The following WDR59 variants were observed in gnomAD, a reference collection of about 807,000 sequenced individuals.
WDR59 encodes WD repeat domain 59.
Under a neutral mutation model 131.2 loss-of-function variants are expected in WDR59, and 100 were observed. The observed-to-expected ratio is 0.76, with a 90% CI of 0.65 to 0.90. The LOEUF is 0.90. Ranked by LOEUF, WDR59 falls within the 40% of genes least tolerant of loss-of-function variation. WDR59 has a pLI of 0.00. For missense variants in WDR59, 1,203 were observed against 1,262.2 expected, an observed-to-expected ratio of 0.95 and a Z score of 0.71; for synonymous variants, 601 against 466.2, an observed-to-expected ratio of 1.29 and a Z score of -3.72.
At chr16:74,875,799 C>A (rs1277104266) in intron 25 of WDR59, among the ~76,000 whole-genome samples, 1 of 152,176 alleles carries the variant, frequency 6.6e-6, no homozygotes, top group African/African-American at 2.4e-5. Flanking sequence ...ATCACCTGCC[C>A]ACTCCATGCC....
chr16:74,926,320 A>G (rs1173188370), intron 8 of WDR59, among the ~76,000 whole-genome samples: 1 of 152,132 alleles, frequency 6.6e-6, no homozygotes, highest in Non-Finnish European at 1.5e-5. Flanking sequence ...GGCCTCCCAG[A>G]GTGCTGGGAT....
chr16:74,974,436 C>T (rs940336885), intron 1 of WDR59, among the ~76,000 whole-genome samples: 1 of 152,100 alleles, frequency 6.6e-6, no homozygotes, highest in Non-Finnish European at 1.5e-5. Flanking sequence ...CCGACCACTA[C>T]GCTAGGTGTT....
At chr16:74,877,375 G>C (rs1964265682) in intron 25 of WDR59, among the ~76,000 whole-genome samples, 1 of 152,144 alleles carries the variant, frequency 6.6e-6, no homozygotes, top group African/African-American at 2.4e-5. Flanking sequence ...ATGTGATTCT[G>C]TGCCTGGATA....
At chr16:74,969,110 T>C (rs2033882578) in intron 1 of WDR59, among the ~76,000 whole-genome samples, 1 of 152,044 alleles carries the variant, frequency 6.6e-6, no homozygotes, top group African/African-American at 2.4e-5. Flanking sequence ...ACACTGCAAG[T>C]GAGGAGGGGA....
In WDR59 at chr16:74,978,778, T is replaced by A. The variant is rs913978624; in HGVS notation, c.54+6186A>T. ...TTTTTTTTTAATCACTCTGGCTATA[T>A]GGAAGATAAAATGGAAGAAGGAAAT... On this transcript the variant is annotated intron_variant, in intron 1 of 25. Coordinates refer to ENST00000262144, the MANE Select transcript of WDR59 (RefSeq NM_030581.4). 2.0e-5 allele frequency among the ~76,000 whole-genome samples: 3 copies of A among 151,798 alleles called. No individual in the cohort carries two copies. In the South Asian group the frequency reaches 6.2e-4, roughly 31 times the overall value.
At chr16:74,900,926 G>A (rs536078545) in intron 18 of WDR59, among the ~76,000 whole-genome samples, 157 of 152,288 alleles carry the variant, frequency 1.0e-3, no homozygotes, top group African/African-American at 3.5e-3. Flanking sequence ...CGAGACCAGC[G>A]TGGCCAACAT....
intron 8 of WDR59, among the ~76,000 whole-genome samples, chr16:74,932,579 C>T (rs1045434619): frequency 2.6e-5 from 4 of 152,162 alleles, no homozygotes; most frequent in African/African-American, 7.2e-5. Context: ...GCCTCAACCT[C>T]CTCGGCTCCA....
chr16:74,937,686 G>C (rs2031912401), intron 8 of WDR59, among the ~76,000 whole-genome samples: 1 of 152,140 alleles, frequency 6.6e-6, no homozygotes, highest in African/African-American at 2.4e-5. Flanking sequence ...ATTTTTAGTA[G>C]AGACTAGGTT....
At chr16:74,909,470 A>G (rs1965975886) in intron 16 of WDR59, 31 bp downstream of exon 16, 5 of 1,513,752 alleles carry the variant, frequency 3.3e-6, no homozygotes, top group Non-Finnish European at 4.4e-6. Flanking sequence ...TCCCTCTCGA[A>G]ATCTAGAATC....
At chr16:74,930,408 T>C (rs959302577) in intron 8 of WDR59, among the ~76,000 whole-genome samples, 4 of 152,104 alleles carry the variant, frequency 2.6e-5, no homozygotes, top group African/African-American at 7.2e-5. Flanking sequence ...CTCAAATCCT[T>C]GCTGAAGGTG....
chr16:74,875,231 T>A (rs1367700008), intron 25 of WDR59, among the ~76,000 whole-genome samples: 1 of 152,236 alleles, frequency 6.6e-6, no homozygotes, highest in Non-Finnish European at 1.5e-5. Flanking sequence ...TCCACTGGGC[T>A]ACCCTGAGTA....
At chr16:74,916,478 C>T (rs937159259) in intron 11 of WDR59, among the ~76,000 whole-genome samples, 2 of 152,220 alleles carry the variant, frequency 1.3e-5, no homozygotes, top group African/African-American at 2.4e-5. Flanking sequence ...ATTTTTTCAT[C>T]ATGTTCAGAG....
At chr16:74,894,528 G>C (rs1597657668) in intron 18 of WDR59, among the ~76,000 whole-genome samples, 1 of 152,256 alleles carries the variant, frequency 6.6e-6, no homozygotes, top group East Asian at 1.9e-4. Context: ...TGAATTATCA[G>C]AGCACAGCCC....
At chr16:74,949,421 G>T (rs1357750528) in intron 5 of WDR59, among the ~76,000 whole-genome samples, 4 of 146,178 alleles carry the variant, frequency 2.7e-5, no homozygotes, top group Non-Finnish European at 6.0e-5. Flanking sequence ...AATGAGGGAG[G>T]AAAGGAGGGA....
intron 1 of WDR59, among the ~76,000 whole-genome samples, chr16:74,969,091 TG>T (rs1478926383): frequency 2.0e-5 from 3 of 152,166 alleles, no homozygotes; most frequent in African/African-American, 7.2e-5. Flanking sequence ...GTGGAATTTT[TG>T]TATGACCACA....
intron 8 of WDR59, among the ~76,000 whole-genome samples, chr16:74,927,683 A>AACACACACACAAACAC (rs1555562462): frequency 9.3e-5 from 11 of 118,180 alleles, no homozygotes; most frequent in African/African-American, 3.5e-4. Context: ...CTCTTTAAAA[A>AACACACACACAAACAC]ACACACACAC....
intron 1 of WDR59, among the ~76,000 whole-genome samples, chr16:74,980,336 T>C (rs1444320098): frequency 1.3e-5 from 2 of 151,954 alleles, no homozygotes; most frequent in Non-Finnish European, 2.9e-5. Context: ...GACTGGGGTT[T>C]TCCTCTGAAA....
rs190855651 is a variant in WDR59, at chr16:74,979,542, T to G, written c.54+5422A>C. On this transcript the variant is annotated intron_variant, in intron 1 of 25. Transcript: ENST00000262144. ...TGGAAGATTACCTGCAAGTTGTGTG[T>G]TTTTTTTGTTTTTTTCAGATGGAGT... is the stretch of plus-strand genomic sequence containing the variant. Among the ~76,000 whole-genome samples the G allele has an allele frequency of 2.7e-3, 411 of 151,218 alleles. 2 individuals are homozygous for G. The highest frequency in any genetic ancestry group is 4.4e-3 in the Non-Finnish European group (296 of 67,784).
chr16:74,930,980 A>AG (rs1170645365), intron 8 of WDR59, among the ~76,000 whole-genome samples: 1 of 152,024 alleles, frequency 6.6e-6, no homozygotes, highest in African/African-American at 2.4e-5. Flanking sequence ...CTCCAAAAAA[A>AG]AAGGAAAAAG....
Sources: gnomAD v4.1 joint callset for allele counts (sites outside exome capture counted in the v4.1 genomes callset) on GRCh38, gnomAD v4.1.1 for gene constraint, MANE v1.5 for transcripts, NCBI Gene and HGNC (gene_info 2026-07-23, HGNC 2026-07-21) for gene names.